LRMDA: variants seen among roughly 807,000 people sequenced by gnomAD.
LRMDA encodes leucine-rich melanocyte differentiation-associated protein.
Under a neutral mutation model 29.8 loss-of-function variants are expected in LRMDA, and 18 were observed. The observed-to-expected ratio is 0.60, with a 90% CI of 0.42 to 0.90. The LOEUF is 0.90. Among genes scored for constraint, LRMDA ranks in the 40% least tolerant of loss-of-function variants. The probability of loss-of-function intolerance (pLI) is 0.00; values close to 1 mark genes in which losing one functional copy is unlikely to be tolerated. For missense variants in LRMDA, 273 were observed against 273.9 expected, an observed-to-expected ratio of 1.00 and a Z score of 0.02; for synonymous variants, 125 against 109.4, an observed-to-expected ratio of 1.14 and a Z score of -0.89.
chr10:76,217,467 A>G (rs1328333670), intron 5 of LRMDA, among the ~76,000 whole-genome samples: 2 of 152,106 alleles, frequency 1.3e-5, no homozygotes, highest in African/African-American at 2.4e-5. Flanking sequence ...CTGGGGGGGA[A>G]TGGTTATGAG....
At chr10:76,293,255 A>G (rs1589414614) in intron 5 of LRMDA, among the ~76,000 whole-genome samples, 1 of 152,214 alleles carries the variant, frequency 6.6e-6, no homozygotes, top group Non-Finnish European at 1.5e-5. Context: ...TGCTGGAATT[A>G]CAGGTCTGAC....
At position 75,625,048 on chromosome 10, in the gene LRMDA, A is replaced by G. The variant is rs994588828; in HGVS notation, c.131+186554A>G. 5.9e-5 allele frequency among the ~76,000 whole-genome samples: 9 copies of G among 152,318 alleles called. No homozygotes were observed. The South Asian group carries it at 1.0e-3, about 18-fold the overall frequency. On this transcript the variant is annotated intron_variant, in intron 2 of 6. Coordinates refer to ENST00000611255, the MANE Select transcript of LRMDA (RefSeq NM_001305581.2). ...GCACATTCATAAGTTTGGGCAGGAT[A>G]GTCCTGTGGTAGAATCACATAGTTA...
intron 5 of LRMDA, among the ~76,000 whole-genome samples, chr10:76,267,594 A>G (rs2132317056): frequency 6.6e-6 from 1 of 152,322 alleles, no homozygotes; most frequent in East Asian, 1.9e-4. Context: ...TGCCTAGCTT[A>G]TAGACATAAA....
At chr10:76,477,488 A>G (rs1166269843) in intron 6 of LRMDA, among the ~76,000 whole-genome samples, 1 of 152,044 alleles carries the variant, frequency 6.6e-6, no homozygotes, top group Non-Finnish European at 1.5e-5. Flanking sequence ...AAGGTAATTT[A>G]TAGATTCAAT....
At chr10:76,479,280 A>G (rs764612234) in intron 6 of LRMDA, among the ~76,000 whole-genome samples, 7 of 151,906 alleles carry the variant, frequency 4.6e-5, no homozygotes, top group Non-Finnish European at 1.0e-4. Context: ...TAGAGGAGGT[A>G]CTAGGCAATG....
chr10:75,731,885 C>G (rs945193521), intron 2 of LRMDA, among the ~76,000 whole-genome samples: 2 of 152,074 alleles, frequency 1.3e-5, no homozygotes, highest in Non-Finnish European at 2.9e-5. Flanking sequence ...TTCATAATGA[C>G]ATTGAAAAAA....
intron 5 of LRMDA, among the ~76,000 whole-genome samples, chr10:76,251,452 C>T (rs1350767217): frequency 6.6e-6 from 1 of 150,902 alleles, no homozygotes; most frequent in Non-Finnish European, 1.5e-5. Flanking sequence ...CGGGGTTTCA[C>T]CTTGTTAGCC....
At chr10:75,579,061 A>C (rs1197819047) in intron 2 of LRMDA, among the ~76,000 whole-genome samples, 1 of 152,204 alleles carries the variant, frequency 6.6e-6, no homozygotes, top group African/African-American at 2.4e-5. Flanking sequence ...GAAATAACTA[A>C]GATCAGAGCA....
At chr10:75,795,963 CTAT>C (rs1252986685) in intron 2 of LRMDA, among the ~76,000 whole-genome samples, 1 of 152,012 alleles carries the variant, frequency 6.6e-6, no homozygotes, top group African/African-American at 2.4e-5. Flanking sequence ...GTTTCTGATG[CTAT>C]TATAAATTGA....
At chr10:76,079,764 G>A (rs1849020631) in intron 5 of LRMDA, among the ~76,000 whole-genome samples, 1 of 152,186 alleles carries the variant, frequency 6.6e-6, no homozygotes, top group South Asian at 2.1e-4. Context: ...GATGGAGATG[G>A]ATTTTTTGTT....
At chr10:75,611,695 T>C (rs1841034273) in intron 2 of LRMDA, among the ~76,000 whole-genome samples, 1 of 152,208 alleles carries the variant, frequency 6.6e-6, no homozygotes, top group Non-Finnish European at 1.5e-5. Flanking sequence ...GCCCATACAG[T>C]GCTTCTGGGA....
chr10:75,697,584 C>T (rs942365105), intron 2 of LRMDA, among the ~76,000 whole-genome samples: 1 of 150,936 alleles, frequency 6.6e-6, no homozygotes, highest in Non-Finnish European at 1.5e-5. Flanking sequence ...AGGATTTTGG[C>T]ATTTGATTCT....
chr10:76,238,472 C>T (rs1044454213), intron 5 of LRMDA, among the ~76,000 whole-genome samples: 1 of 150,626 alleles, frequency 6.6e-6, no homozygotes, highest in Non-Finnish European at 1.5e-5. Context: ...GAATAAGGAC[C>T]CCCCCGCCCT....
At chr10:75,954,601 C>T (rs1379360753) in intron 2 of LRMDA, among the ~76,000 whole-genome samples, 1 of 152,198 alleles carries the variant, frequency 6.6e-6, no homozygotes, top group African/African-American at 2.4e-5. Flanking sequence ...CCTGGTGGCT[C>T]CTCTCAACTG....
intron 2 of LRMDA, among the ~76,000 whole-genome samples, chr10:75,566,944 G>A (rs1222838002): frequency 6.6e-6 from 1 of 152,148 alleles, no homozygotes; most frequent in African/African-American, 2.4e-5. Flanking sequence ...GCCTCATCAT[G>A]GTCAGTGACT....
At chr10:75,787,707 G>A (rs534023836) in intron 2 of LRMDA, among the ~76,000 whole-genome samples, 5 of 152,202 alleles carry the variant, frequency 3.3e-5, no homozygotes, top group Non-Finnish European at 2.9e-5. Context: ...AAGTCTGAAG[G>A]TCTCTGTTTT....
At chr10:76,233,750 A>G (rs542354515) in intron 5 of LRMDA, among the ~76,000 whole-genome samples, 2 of 152,326 alleles carry the variant, frequency 1.3e-5, no homozygotes, top group Non-Finnish European at 2.9e-5. Context: ...TTGCTCATCT[A>G]TAAGGAGCAA....
intron 5 of LRMDA, among the ~76,000 whole-genome samples, chr10:76,084,123 C>G (rs34451291): frequency 0.11 from 17,418 of 152,106 alleles, 1,968 homozygotes; most frequent in African/African-American, 0.29. Flanking sequence ...ACTGAGATAC[C>G]ACCTCTTCCT....
At chr10:75,680,006 G>T (rs1842005244) in intron 2 of LRMDA, among the ~76,000 whole-genome samples, 1 of 152,236 alleles carries the variant, frequency 6.6e-6, no homozygotes, top group African/African-American at 2.4e-5. Flanking sequence ...AGTCTGACTA[G>T]GTTTAGTTGG....
Sources: allele counts gnomAD v4.1 joint callset (sites outside exome capture counted in the v4.1 genomes callset), GRCh38; gene constraint gnomAD v4.1.1; transcripts MANE v1.5; gene names NCBI Gene and HGNC (gene_info 2026-07-23, HGNC 2026-07-21).